Variants in SLX4 observed in about 807,000 individuals in gnomAD.
SLX4 encodes the protein structure-specific endonuclease subunit SLX4.
A neutral mutation model predicts 146.2 loss-of-function variants in SLX4; 112 were observed. That is an observed-to-expected ratio of 0.77 (90% CI 0.66 to 0.90). The LOEUF (loss-of-function observed/expected upper bound fraction) is 0.90. Among genes scored for constraint, SLX4 ranks in the 40% least tolerant of loss-of-function variants. The pLI, the probability that SLX4 is intolerant of heterozygous loss-of-function variation, is 0.00. For synonymous variants in SLX4, 1,061 were observed against 997.7 expected (o/e 1.06, Z -1.20); for missense variants, 2,563 against 2,392.7 (o/e 1.07, Z -1.49).
At chr16:3,598,059 G>GGTC (rs2040686655) in intron 5 of SLX4, 60 bp from the exon 6 acceptor site, 1 of 1,595,786 alleles carries the variant, frequency 6.3e-7, no homozygotes, top group African/African-American at 1.3e-5. Context: ...TTCTCAGGTT[G>GGTC]GTCACACTGG....
rs371825444 is a variant in SLX4 at position 3,596,375 on chromosome 16, C to T, written c.1702G>A (p.Val568Met). Residue 568 changes from valine to methionine, a missense_variant, in exon 8 of 15, where the codon GTG (valine) becomes ATG (methionine). Transcript: ENST00000294008. Reference sequence around the variant, plus strand: ...TGCTCAGGTGGCACCAGAGGCGGCACGGGCTCCTGCATAAGGCCCTGAAAG... The same window carrying T: ...TGCTCAGGTGGCACCAGAGGCGGCATGGGCTCCTGCATAAGGCCCTGAAAG... Reference protein sequence around the residue: ...RPAQGLMQEPVPPLVPPEHSE... With the variant: ...RPAQGLMQEPMPPLVPPEHSE... 30 of 1,596,534 alleles carry T rather than the reference C, an allele frequency of 1.9e-5. No homozygotes were observed. Among genetic ancestry groups the T allele is most frequent in the African/African-American group, 6.7e-5 (5 of 74,822 alleles).
rs760336038 is a variant in SLX4, at chr16:3,597,397, C to T, written c.1665G>A (p.Val555=). 5.7e-6 allele frequency: 9 copies of T among 1,585,664 alleles called. No homozygotes were observed. In the East Asian group the frequency reaches 2.0e-4, roughly 36 times the overall value. The stretch of plus-strand genomic sequence containing the variant: ...GACTCACCTGGGCAGGCCGCTGGGG[C>T]ACGAGAGGAGGGACCAGCCTGGCCG... ...FYTARLVPPL[V]PQRPAQGLMQ... The change falls in exon 7 of 15, where the codon GTG becomes GTA. Residue 555 remains valine, a synonymous_variant. Transcript: ENST00000294008. This position sits in a 1 kb window ranked among gnomAD's most constrained non-coding sequence, Gnocchi z 4.4.
chr16:3,600,917 G>C, intron 5 of SLX4, 62 bp downstream of exon 5: 1 of 1,581,158 alleles, frequency 6.3e-7, no homozygotes, highest in South Asian at 1.1e-5. Flanking sequence ...TTTTTAAATA[G>C]AAAAAGCCCT....
chr16:3,603,552 T>C lies in SLX4; in HGVS notation c.761-1245A>G, dbSNP rs1457536468. 5.9e-5 allele frequency among the ~76,000 whole-genome samples: 9 copies of C among 152,346 alleles called. No homozygotes were observed. In the East Asian group the frequency reaches 1.5e-3, roughly 26 times the overall value. On this transcript the variant is annotated intron_variant, in intron 3 of 14. Coordinates refer to ENST00000294008, the MANE Select transcript of SLX4 (RefSeq NM_032444.4). ...GCCTGCTGTGGACCCTGGGGTGGCC[T>C]GAGACTCCTCCGTGCTACTGCAGTG...
chr16:3,601,267 A>C, intron 4 of SLX4, 76 bp from the exon 5 acceptor site: 1 of 1,476,896 alleles, frequency 6.8e-7, no homozygotes, highest in Non-Finnish European at 9.4e-7. Context: ...GTCCAGGTCA[A>C]CACAGACGTG....
At chr16:3,587,777 GGGCCGAGGACACTATCAGT>G (rs1360382121) in intron 12 of SLX4, among the ~76,000 whole-genome samples, 1 of 152,236 alleles carries the variant, frequency 6.6e-6, no homozygotes, top group Non-Finnish European at 1.5e-5. Flanking sequence ...AAGCCCCTGA[GGGCCGAGGACACTATCAGT>G]GGCCTCATTC....
intron 12 of SLX4, among the ~76,000 whole-genome samples, chr16:3,585,585 C>CAAA (rs35181087): frequency 2.2e-5 from 2 of 90,040 alleles, no homozygotes; most frequent in African/African-American, 4.2e-5. Flanking sequence ...GACTCTGTCT[C>CAAA]AAAAAAAAAA....
Position 3,591,281 on chromosome 16 carries a change from C to T in SLX4, c.2357G>A (p.Cys786Tyr), listed in dbSNP as rs1282868817. The change falls in exon 12 of 15, where the codon TGC becomes TAC. Residue 786 changes from cysteine to tyrosine, a missense_variant. Physicochemically the swap from Cys to Tyr is radical, Grantham distance 194. Coordinates refer to ENST00000294008, the MANE Select transcript of SLX4 (RefSeq NM_032444.4). The part of the protein sequence containing the change: ...RFGVSELVHL[C>Y]EQVPIATDSE... ...GTCAGTGGCAATAGGCACCTGTTCGCACAGGTGAACGAGCTCACTCACGCC... is the reference window on the plus strand; with the variant it reads ...GTCAGTGGCAATAGGCACCTGTTCGTACAGGTGAACGAGCTCACTCACGCC... 1 of 1,612,132 alleles carries T rather than the reference C, an allele frequency of 6.2e-7. No homozygotes were observed. Among genetic ancestry groups the T allele is most frequent in the African/African-American group, 1.3e-5 (1 of 75,054 alleles).
rs1488400493 is a variant in SLX4, at chr16:3,591,158, T to C, written c.2480A>G (p.Glu827Gly). The C allele has an allele frequency of 6.2e-7, 1 of 1,614,222 alleles. No individual in the cohort carries two copies. Among genetic ancestry groups the C allele is most frequent in the Admixed American group, 1.7e-5 (1 of 60,030 alleles). Residue 827 changes from glutamate (E) to glycine (G), a missense_variant, in exon 12 of 15, where the codon GAG (glutamate) becomes GGG (glycine). Transcript: ENST00000294008. ...TTTCAACAAAGTCTCCGCTTCCTCC[T>C]CTTCATCTGCCCACATTGACCTCAA... ...ELLRSMWADE[E>G]EEAETLLKSK...
rs1485275546 is a variant in SLX4, at chr16:3,596,249, G to A, written c.1828C>T (p.Gln610Ter). ...PSPSASQREH[Q>*]ALQDLVDLAR... ...AGGTCCACGAGGTCCTGCAGGGCCT[G>A]GTGCTCCCTCTGGCTGGCCGAAGGC... Residue 610 changes from glutamine to a stop codon, truncating the protein, a stop_gained, in exon 8 of 15, where the codon CAG becomes TAG. Transcript: ENST00000294008. LOFTEE classifies it high-confidence loss of function. The A allele has an allele frequency of 6.4e-7, 1 of 1,557,094 alleles. No homozygotes were observed. Among genetic ancestry groups the A allele is most frequent in the South Asian group, 1.2e-5 (1 of 84,834 alleles).
At chr16:3,605,045 C>T (rs765090195) in intron 3 of SLX4, among the ~76,000 whole-genome samples, 9 of 151,138 alleles carry the variant, frequency 6.0e-5, no homozygotes, top group East Asian at 2.0e-4. Context: ...CTCAGCCTCC[C>T]GAGTAGCTGG....
At chr16:3,599,134 C>G (rs1231718221) in intron 5 of SLX4, among the ~76,000 whole-genome samples, 2 of 152,208 alleles carry the variant, frequency 1.3e-5, no homozygotes, top group Non-Finnish European at 2.9e-5. Context: ...GAAACAATGG[C>G]TTAGATGACG....
In SLX4 at chr16:3,591,231, T is replaced by C. The variant is rs2040590435; in HGVS notation, c.2407A>G (p.Lys803Glu). The C allele has an allele frequency of 6.2e-7, 1 of 1,613,582 alleles. No homozygotes were observed. Among genetic ancestry groups the C allele is most frequent in the Non-Finnish European group, 8.5e-7 (1 of 1,180,038 alleles). The change falls in exon 12 of 15, where the codon AAG becomes GAG. Residue 803 changes from lysine to glutamate, a missense_variant. Coordinates refer to ENST00000294008, the MANE Select transcript of SLX4 (RefSeq NM_032444.4). The stretch of plus-strand genomic sequence containing the variant: ...CTGCTTTCGCAATTCTCTGCTTCCT[T>C]CTCCTCCCATGGTTTGCCCTCTGAG... ...TDSEGKPWEE[K>E]EAENCESRAE... is the part of the protein sequence containing the mutation.
chr16:3,591,392 C>G, intron 11 of SLX4, 82 bp from the exon 12 acceptor site: 1 of 1,574,284 alleles, frequency 6.4e-7, no homozygotes, highest in South Asian at 1.1e-5. Flanking sequence ...CGGACCAGAG[C>G]AGAGTCTTCA....
At chr16:3,595,055 T>G (rs2040635426) in intron 9 of SLX4, among the ~76,000 whole-genome samples, 1 of 152,152 alleles carries the variant, frequency 6.6e-6, no homozygotes, top group Admixed American at 6.5e-5. Context: ...GGCCTTGGCA[T>G]GAAGTGCTTG....
Position 3,581,471 on chromosome 16 carries a change from T to C in SLX4, c.*871A>G, listed in dbSNP as rs886051974. Reference sequence around the variant, plus strand: ...CAAGTGTCCGGGTAGCACGGCTGGGTCAGGAGAACTGCATCTGGGCTGTGG... The same window carrying C: ...CAAGTGTCCGGGTAGCACGGCTGGGCCAGGAGAACTGCATCTGGGCTGTGG... On this transcript the variant is annotated 3_prime_UTR_variant, in exon 15 of 15. Coordinates refer to ENST00000294008, the MANE Select transcript of SLX4 (RefSeq NM_032444.4). 6.5e-6 allele frequency: 1 copy of C among 153,044 alleles called. No individual in the cohort carries two copies. Among genetic ancestry groups the C allele is most frequent in the Admixed American group, 6.5e-5 (1 of 15,280 alleles). The allele number at this position is 153,044 out of a possible 1,614,324, so 9.5% of individuals were successfully genotyped here.
Position 3,583,506 on chromosome 16 carries a change from CA to C in SLX4, c.4743del (p.Phe1581LeufsTer13). On this transcript the variant is annotated frameshift_variant, in exon 14 of 15. Transcript: ENST00000294008. LOFTEE classifies it high-confidence loss of function. ...TPVLKKELDR[F>X]GVRPLPKRQM... ...TGGCGTTTAGGCAGAGGGCGGACTC[CA>C]AACCTGACGGAGGAACAGGTGGATC... 1 of 1,614,090 alleles carries C rather than the reference CA, an allele frequency of 6.2e-7. No homozygotes were observed. The highest frequency in any genetic ancestry group is 8.5e-7 in the Non-Finnish European group (1 of 1,180,032).
chr16:3,593,009 G>C lies in SLX4; in HGVS notation c.2161-144C>G, dbSNP rs945519077. 1.2e-5 allele frequency: 9 copies of C among 769,826 alleles called. No individual in the cohort carries two copies. The East Asian group carries it at 1.6e-4, about 14-fold the overall frequency. 47.7% of individuals were successfully genotyped at this position (769,826 alleles called of 1,614,324 possible). A position where few individuals can be genotyped will look rare whatever the true frequency, so the allele number is the denominator to read the frequency against. On this transcript the variant is annotated intron_variant, in intron 10 of 14. Coordinates refer to ENST00000294008, the MANE Select transcript of SLX4 (RefSeq NM_032444.4). ...GTGTCTCCCCTTGTCACCCAGGCTA[G>C]AGTACAGTGGTGTGATCATGGCTTA...
At chr16:3,594,346 G>T (rs780762975) in intron 10 of SLX4, 107 bp downstream of exon 10, 25 of 1,414,224 alleles carry the variant, frequency 1.8e-5, no homozygotes, top group Admixed American at 9.9e-5. Flanking sequence ...GAGGGAGAGT[G>T]GGGGGGTGGA....
Sources: gnomAD v4.1 joint callset for allele counts (sites outside exome capture counted in the v4.1 genomes callset) on GRCh38, gnomAD v4.1.1 for gene constraint, Gnocchi (gnomAD v3.1) non-coding constraint, MANE v1.5 for transcripts, NCBI Gene and HGNC (gene_info 2026-07-23, HGNC 2026-07-21) for gene names.